COL21A1: variants seen among roughly 807,000 people sequenced by gnomAD.
COL21A1 encodes the protein collagen alpha-1(XXI) chain.
COL21A1 carries 149 observed loss-of-function variants against 137.9 expected under a neutral mutation model. That is an observed-to-expected ratio of 1.08 (90% confidence interval 0.95 to 1.24). The LOEUF (loss-of-function observed/expected upper bound fraction) is 1.24, where lower values mean the gene tolerates loss of function less well. COL21A1 is among the 50% of genes most tolerant of loss of function. COL21A1 has a pLI of 0.00. For synonymous variants in COL21A1, 456 were observed against 391.5 expected (o/e 1.16, Z -1.95); for missense variants, 1,167 against 1,158.4 (o/e 1.01, Z -0.11).
At chr6:56,314,026 C>A (rs1048219910) in intron 1 of COL21A1, among the ~76,000 whole-genome samples, 5 of 152,292 alleles carry the variant, frequency 3.3e-5, no homozygotes, top group African/African-American at 1.2e-4. Context: ...CACTCTGTCA[C>A]CAGGCTGCAA....
chr6:56,084,231 A>T (rs10948971), intron 17 of COL21A1, among the ~76,000 whole-genome samples: 24,315 of 150,510 alleles, frequency 0.16, 2,050 homozygotes, highest in Middle Eastern at 0.25. Context: ...TATATATATA[A>T]AAAACATTAA....
At chr6:56,060,662 C>T in intron 27 of COL21A1, 79 bp downstream of exon 27, 5 of 1,182,816 alleles carry the variant, frequency 4.2e-6, no homozygotes, top group Middle Eastern at 3.0e-4. Context: ...TCACTTATAT[C>T]CTCTACAATA....
At chr6:56,325,673 T>TA (rs796815521) in intron 1 of COL21A1, among the ~76,000 whole-genome samples, 2,767 of 2,880 alleles carry the variant, frequency 0.96, 1,352 homozygotes, top group Middle Eastern at 1. Context: ...AAATATATTA[T>TA]ATATAATAGA....
chr6:56,290,183 C>A (rs1764007024), intron 1 of COL21A1, among the ~76,000 whole-genome samples: 1 of 152,090 alleles, frequency 6.6e-6, no homozygotes, highest in Admixed American at 6.6e-5. Context: ...AATTAGCAAA[C>A]AGATAAAGAG....
Position 56,101,500 on chromosome 6 carries a change from G to A in COL21A1, c.1784C>T (p.Pro595Leu), listed in dbSNP as rs757819748. 53 of 1,593,922 alleles carry A rather than the reference G, an allele frequency of 3.3e-5. No homozygotes were observed. Among genetic ancestry groups the A allele is most frequent in the South Asian group, 2.6e-4 (23 of 87,442 alleles). Residue 595 changes from proline (P) to leucine (L), a missense_variant, in exon 17 of 30, where the codon CCG (proline) becomes CTG (leucine). By Grantham distance (98) the Pro-to-Leu change is moderately conservative. Coordinates refer to ENST00000244728, the MANE Select transcript of COL21A1 (RefSeq NM_030820.4). The stretch of plus-strand genomic sequence containing the variant: ...CTCTCCCCGTGTTCCATCCTGCCCC[G>A]GAGCACCAGGGGATCCTGCTTCTCC... ...FKGEAGSPGA[P>L]GQDGTRGEPG...
chr6:56,214,611 A>G (rs903136589), intron 1 of COL21A1, among the ~76,000 whole-genome samples: 9 of 151,986 alleles, frequency 5.9e-5, no homozygotes, highest in Non-Finnish European at 4.4e-5. Flanking sequence ...TAACCAAAAT[A>G]GACTCAACAT....
intron 5 of COL21A1, among the ~76,000 whole-genome samples, chr6:56,169,516 C>T (rs979352538): frequency 2.0e-5 from 3 of 151,832 alleles, no homozygotes; most frequent in Admixed American, 2.0e-4. Context: ...TGGGCTTACA[C>T]CTAGATAGCT....
intron 12 of COL21A1, among the ~76,000 whole-genome samples, chr6:56,129,633 G>T (rs12203407): frequency 6.6e-6 from 1 of 150,910 alleles, no homozygotes. Context: ...CCTCTGTCAC[G>T]TGCGTGCGTG....
chr6:56,360,937 T>C (rs1765951642), intron 1 of COL21A1, among the ~76,000 whole-genome samples: 2 of 152,090 alleles, frequency 1.3e-5, no homozygotes, highest in Non-Finnish European at 2.9e-5. Context: ...CCGTCTCTAC[T>C]AAAAATACGA....
chr6:56,315,297 G>A lies in COL21A1; in HGVS notation c.-39+78674C>T, dbSNP rs1004512998. Among the ~76,000 whole-genome samples, 6 of 152,222 alleles carry A rather than the reference G, an allele frequency of 3.9e-5. No individual in the cohort carries two copies. In the South Asian group the frequency reaches 1.2e-3, roughly 32 times the overall value. ...TGCCTGCCTTTTGATTGATCCCACG[G>A]GGCAGATGAACACATAGGCTGACCA... is the stretch of plus-strand genomic sequence containing the variant. On this transcript the variant is annotated intron_variant, in intron 1 of 28. Transcript: ENST00000370819.
intron 1 of COL21A1, among the ~76,000 whole-genome samples, chr6:56,274,596 G>C (rs1183954802): frequency 4.0e-5 from 6 of 151,706 alleles, no homozygotes; most frequent in Non-Finnish European, 7.4e-5. Context: ...AAAACCAAGA[G>C]AACAACATCA....
chr6:56,206,079 C>T (rs982711209), intron 1 of COL21A1, among the ~76,000 whole-genome samples: 2 of 152,044 alleles, frequency 1.3e-5, no homozygotes, highest in Admixed American at 6.6e-5. Context: ...CATCAACTAA[C>T]GGGCAAAATA....
chr6:56,193,760 GTTTT>G, intron 1 of COL21A1, among the ~76,000 whole-genome samples: 1 of 147,574 alleles, frequency 6.8e-6, no homozygotes, highest in South Asian at 2.1e-4. Flanking sequence ...AGGTTTTTTT[GTTTT>G]TTTTTTTTTT....
chr6:56,213,341 T>A (rs1202954192), intron 1 of COL21A1, among the ~76,000 whole-genome samples: 1 of 152,104 alleles, frequency 6.6e-6, no homozygotes, highest in Non-Finnish European at 1.5e-5. Context: ...CTACATAATC[T>A]TTCCTTGTCT....
At chr6:56,368,945 T>C (rs1193290507) in intron 1 of COL21A1, among the ~76,000 whole-genome samples, 1 of 152,226 alleles carries the variant, frequency 6.6e-6, no homozygotes, top group East Asian at 1.9e-4. Context: ...AAATGTAATA[T>C]GCTCACTGCT....
At chr6:56,309,545 C>G (rs1200050446) in intron 1 of COL21A1, among the ~76,000 whole-genome samples, 1 of 152,114 alleles carries the variant, frequency 6.6e-6, no homozygotes, top group East Asian at 1.9e-4. Flanking sequence ...GCTCTAATAG[C>G]AGGATTTTTA....
chr6:56,177,898 T>C (rs1777616429), intron 3 of COL21A1, among the ~76,000 whole-genome samples: 1 of 152,018 alleles, frequency 6.6e-6, no homozygotes, highest in Admixed American at 6.6e-5. Context: ...AACAGATATG[T>C]GAACTGATTA....
At chr6:56,310,242 A>G (rs1764576718) in intron 1 of COL21A1, among the ~76,000 whole-genome samples, 1 of 152,312 alleles carries the variant, frequency 6.6e-6, no homozygotes, top group Non-Finnish European at 1.5e-5. Context: ...CAGCCTGGCT[A>G]CTTTGGACTA....
At chr6:56,161,057 C>T (rs1484287179) in intron 9 of COL21A1, among the ~76,000 whole-genome samples, 1 of 152,082 alleles carries the variant, frequency 6.6e-6, no homozygotes, top group Non-Finnish European at 1.5e-5. Context: ...AAAATTTTAA[C>T]ATAAAAATGT....
Sources: gnomAD v4.1 joint callset for allele counts (sites outside exome capture counted in the v4.1 genomes callset) on GRCh38, gnomAD v4.1.1 for gene constraint, MANE v1.5 for transcripts, NCBI Gene and HGNC (gene_info 2026-07-23, HGNC 2026-07-21) for gene names.